TMEM132D: variants seen among roughly 807,000 people sequenced by gnomAD.
TMEM132D encodes transmembrane protein 132D.
Under a neutral mutation model 62.3 loss-of-function variants are expected in TMEM132D, and 21 were observed. The ratio of observed to expected loss-of-function variants is 0.34; its 90% confidence interval spans 0.24 to 0.49. The LOEUF (loss-of-function observed/expected upper bound fraction) is 0.49. Among genes scored for constraint, TMEM132D ranks in the 20% least tolerant of loss-of-function variants. The probability of loss-of-function intolerance (pLI) is 0.99; values close to 1 mark genes in which losing one functional copy is unlikely to be tolerated. For missense variants in TMEM132D, 1,346 were observed against 1,402.8 expected, an observed-to-expected ratio of 0.96 and a Z score of 0.65; for synonymous variants, 621 against 575.6, an observed-to-expected ratio of 1.08 and a Z score of -1.13.
At chr12:129,622,668 A>G (rs1879104766) in intron 2 of TMEM132D, among the ~76,000 whole-genome samples, 1 of 152,210 alleles carries the variant, frequency 6.6e-6, no homozygotes, top group Non-Finnish European at 1.5e-5. Context: ...TCTGCAGTGC[A>G]GACATGCTTG....
intron 2 of TMEM132D, among the ~76,000 whole-genome samples, chr12:129,543,860 A>G (rs570344220): frequency 6.6e-6 from 1 of 152,322 alleles, no homozygotes. Flanking sequence ...GTGTGCTAGT[A>G]TCTGAGCAAA....
chr12:129,289,583 A>ACC (rs1230275056), intron 4 of TMEM132D, among the ~76,000 whole-genome samples: 1 of 151,852 alleles, frequency 6.6e-6, no homozygotes, highest in East Asian at 1.9e-4. Flanking sequence ...AGAAAAAGAA[A>ACC]AGGAAAAGCA....
chr12:129,302,376 A>G (rs975077680), intron 4 of TMEM132D, among the ~76,000 whole-genome samples: 2 of 152,172 alleles, frequency 1.3e-5, no homozygotes, highest in African/African-American at 2.4e-5. Context: ...CGGCCTCCCA[A>G]AGTTCTGGGA....
At chr12:129,243,181 T>A (rs958512310) in intron 4 of TMEM132D, among the ~76,000 whole-genome samples, 1 of 152,222 alleles carries the variant, frequency 6.6e-6, no homozygotes, top group East Asian at 1.9e-4. Flanking sequence ...AAATGAGCTA[T>A]AGTACCAATC....
intron 1 of TMEM132D, among the ~76,000 whole-genome samples, chr12:129,807,021 A>G (rs754430787): frequency 1.3e-5 from 2 of 152,218 alleles, no homozygotes; most frequent in East Asian, 3.9e-4. Context: ...GCAACAGAGC[A>G]AGACCCTATC....
At chr12:129,853,195 G>C (rs984928426) in intron 1 of TMEM132D, 1 of 152,344 alleles carries the variant, frequency 6.6e-6, no homozygotes, top group African/African-American at 2.4e-5. Context: ...CACAGTCACA[G>C]AGGGAAAGGG....
chr12:129,684,883 C>T lies in TMEM132D; in HGVS notation c.968+14927G>A, dbSNP rs80064285. On this transcript the variant is annotated intron_variant, in intron 2 of 8. Coordinates refer to ENST00000422113, the MANE Select transcript of TMEM132D (RefSeq NM_133448.3). ...AATGCTTTAGCAAAGAGACTGGTGG[C>T]TGTTTTTCCCTGCCTTAGAGATCTG... 4.5e-3 allele frequency among the ~76,000 whole-genome samples: 687 copies of T among 152,152 alleles called. 6 individuals carry two copies. The highest frequency in any genetic ancestry group is 0.016 in the African/African-American group (661 of 41,520).
intron 1 of TMEM132D, among the ~76,000 whole-genome samples, chr12:129,888,186 C>T (rs1485692799): frequency 6.6e-6 from 1 of 152,128 alleles, no homozygotes. Context: ...ACAGTAATTT[C>T]CATTGTGCAT....
At chr12:129,539,907 G>A (rs1318170346) in intron 2 of TMEM132D, among the ~76,000 whole-genome samples, 10 of 152,248 alleles carry the variant, frequency 6.6e-5, no homozygotes, top group East Asian at 5.8e-4. Flanking sequence ...CGGGGAGAAC[G>A]ACCAAAGGCA....
intron 5 of TMEM132D, among the ~76,000 whole-genome samples, chr12:129,168,110 G>T (rs80003712): frequency 4.6e-5 from 7 of 152,296 alleles, no homozygotes; most frequent in Non-Finnish European, 1.0e-4. Context: ...CAGTCATGAT[G>T]ATTCTTGGAA....
chr12:129,632,406 AT>A (rs973757982), intron 2 of TMEM132D, among the ~76,000 whole-genome samples: 3 of 152,166 alleles, frequency 2.0e-5, no homozygotes, highest in African/African-American at 7.2e-5. Context: ...TTCTGATGAG[AT>A]TAGTTCTCAG....
At chr12:129,570,064 T>C (rs1448170214) in intron 2 of TMEM132D, among the ~76,000 whole-genome samples, 1 of 152,186 alleles carries the variant, frequency 6.6e-6, no homozygotes, top group East Asian at 1.9e-4. Flanking sequence ...TTCTGTTGGC[T>C]GATTAAATCA....
chr12:129,759,986 G>A (rs1273276024), intron 1 of TMEM132D, among the ~76,000 whole-genome samples: 1 of 151,942 alleles, frequency 6.6e-6, no homozygotes, highest in Non-Finnish European at 1.5e-5. Context: ...GCTCACTGCA[G>A]CCTCTAATTC....
intron 5 of TMEM132D, among the ~76,000 whole-genome samples, chr12:129,144,900 C>CTCTATCTATCTATCTATCTGTCTA (rs1876847004): frequency 6.6e-6 from 1 of 150,856 alleles, no homozygotes; most frequent in African/African-American, 2.4e-5. Context: ...ATCTATCCTG[C>CTCTATCTATCTATCTATCTGTCTA]TCTATCTATC....
intron 5 of TMEM132D, among the ~76,000 whole-genome samples, chr12:129,176,979 G>T (rs74684944): frequency 1.3e-5 from 2 of 152,342 alleles, no homozygotes; most frequent in East Asian, 3.9e-4. Context: ...GCCCCCAGCC[G>T]TCTTGACCGC....
At chr12:129,571,555 A>C (rs1877514590) in intron 2 of TMEM132D, among the ~76,000 whole-genome samples, 1 of 152,172 alleles carries the variant, frequency 6.6e-6, no homozygotes, top group Non-Finnish European at 1.5e-5. Flanking sequence ...CCTGGGTAAC[A>C]GAATGAGACT....
intron 3 of TMEM132D, among the ~76,000 whole-genome samples, chr12:129,377,789 G>A (rs181483579): frequency 1.9e-3 from 289 of 152,288 alleles, no homozygotes; most frequent in Non-Finnish European, 3.0e-3. Context: ...CCCACATGCT[G>A]TGATTTCTGT....
chr12:129,606,565 T>C (rs1878630676), intron 2 of TMEM132D, among the ~76,000 whole-genome samples: 1 of 152,070 alleles, frequency 6.6e-6, no homozygotes, highest in Non-Finnish European at 1.5e-5. Context: ...CTGGACAAGA[T>C]GAACCAGTGA....
chr12:129,552,899 C>T (rs1390261133), intron 2 of TMEM132D, among the ~76,000 whole-genome samples: 1 of 152,168 alleles, frequency 6.6e-6, no homozygotes, highest in African/African-American at 2.4e-5. Context: ...TAGCTAGTGA[C>T]TCACTGTTCT....
Sources: allele counts gnomAD v4.1 joint callset (sites outside exome capture counted in the v4.1 genomes callset), GRCh38; gene constraint gnomAD v4.1.1; transcripts MANE v1.5; gene names NCBI Gene and HGNC (gene_info 2026-07-23, HGNC 2026-07-21).